NRXN3: variants seen among roughly 807,000 people sequenced by gnomAD.
NRXN3 encodes the protein neurexin 3, also known as neurexin III.
Under a neutral mutation model 137.6 loss-of-function variants are expected in NRXN3, and 32 were observed. That is an observed-to-expected ratio of 0.23 (90% confidence interval 0.18 to 0.31). The LOEUF (loss-of-function observed/expected upper bound fraction) is 0.31, where lower values mean the gene tolerates loss of function less well. Among genes scored for constraint, NRXN3 ranks in the 10% least tolerant of loss-of-function variants. The pLI, the probability that NRXN3 is intolerant of heterozygous loss-of-function variation, is 1.00. For synonymous variants in NRXN3, 798 were observed against 784.5 expected, an observed-to-expected ratio of 1.02 and a Z score of -0.29; for missense variants, 1,574 against 2,062.5, an observed-to-expected ratio of 0.76 and a Z score of 4.59.
At chr14:79,301,333 A>G (rs1440535076) in intron 15 of NRXN3, among the ~76,000 whole-genome samples, 2 of 152,054 alleles carry the variant, frequency 1.3e-5, no homozygotes, top group African/African-American at 4.8e-5. Context: ...TAAGATGGAA[A>G]GGAAGGAAGA....
intron 16 of NRXN3, among the ~76,000 whole-genome samples, chr14:79,508,076 G>C (rs2096894810): frequency 6.6e-6 from 1 of 152,020 alleles, no homozygotes; most frequent in African/African-American, 2.4e-5. Flanking sequence ...GCTCTATTTT[G>C]GGCTGTGTCA....
intron 8 of NRXN3, among the ~76,000 whole-genome samples, chr14:78,771,477 T>C (rs1470818434): frequency 6.6e-6 from 1 of 152,234 alleles, no homozygotes; most frequent in Non-Finnish European, 1.5e-5. Context: ...CTGAGATGTA[T>C]ATTTCTGATG....
chr14:79,772,896 T>C (rs1359816194), intron 19 of NRXN3, among the ~76,000 whole-genome samples: 1 of 151,944 alleles, frequency 6.6e-6, no homozygotes, highest in African/African-American at 2.4e-5. Context: ...AGGGCTAATA[T>C]CCAGAATCTA....
At chr14:78,720,435 G>A (rs1218026514) in intron 8 of NRXN3, among the ~76,000 whole-genome samples, 1 of 152,172 alleles carries the variant, frequency 6.6e-6, no homozygotes, top group Non-Finnish European at 1.5e-5. Context: ...TCGTATCATG[G>A]AACAGCTTAA....
chr14:78,977,998 A>G (rs2099474577), intron 14 of NRXN3, among the ~76,000 whole-genome samples: 1 of 152,202 alleles, frequency 6.6e-6, no homozygotes, highest in Admixed American at 6.5e-5. Context: ...CATCTCAGTC[A>G]ACCAATTCCC....
intron 5 of NRXN3, chr14:78,649,294 A>G: frequency 7.4e-7 from 1 of 1,342,956 alleles, no homozygotes; most frequent in Non-Finnish European, 9.9e-7. Flanking sequence ...ACGCTATGGT[A>G]AACAAACTAC....
intron 4 of NRXN3, among the ~76,000 whole-genome samples, chr14:78,613,132 T>A (rs1261568385): frequency 6.6e-6 from 1 of 152,224 alleles, no homozygotes; most frequent in Non-Finnish European, 1.5e-5. Flanking sequence ...ATTAATATAT[T>A]GTCCCTCTGA....
chr14:78,565,117 C>T lies in NRXN3; in HGVS notation c.758-80003C>T, dbSNP rs2096825205. ...GTGTGTTTTTCCTATCCCTTTGATT[C>T]TAAGATAGTTCCTTGAACATTGAAG... On this transcript the variant is annotated intron_variant, in intron 4 of 20. Coordinates refer to ENST00000335750, the MANE Select transcript of NRXN3 (RefSeq NM_001330195.2). 2.0e-5 allele frequency among the ~76,000 whole-genome samples: 3 copies of T among 152,168 alleles called. No homozygotes were observed. In the South Asian group the frequency reaches 6.2e-4, roughly 32 times the overall value.
chr14:79,449,651 A>G (rs2096129882), intron 15 of NRXN3, among the ~76,000 whole-genome samples: 1 of 152,214 alleles, frequency 6.6e-6, no homozygotes, highest in South Asian at 2.1e-4. Context: ...TTTGTAGCCA[A>G]TAAAGCCTAT....
At chr14:78,777,926 C>T (rs2098749884) in intron 8 of NRXN3, among the ~76,000 whole-genome samples, 1 of 151,854 alleles carries the variant, frequency 6.6e-6, no homozygotes, top group African/African-American at 2.4e-5. Flanking sequence ...CCACTCCGGA[C>T]TAATTTTTGT....
intron 15 of NRXN3, among the ~76,000 whole-genome samples, chr14:79,002,024 C>G (rs1471652807): frequency 2.6e-5 from 4 of 152,032 alleles, no homozygotes; most frequent in Non-Finnish European, 5.9e-5. Flanking sequence ...GTGTATTCAC[C>G]CTGTTTCCTA....
intron 16 of NRXN3, among the ~76,000 whole-genome samples, chr14:79,539,500 T>C (rs1376389791): frequency 1.3e-5 from 2 of 152,230 alleles, no homozygotes; most frequent in Non-Finnish European, 2.9e-5. Context: ...AATGTCTATA[T>C]AAATAGATGT....
intron 15 of NRXN3, among the ~76,000 whole-genome samples, chr14:79,436,642 C>T (rs546354066): frequency 6.6e-6 from 1 of 152,216 alleles, no homozygotes; most frequent in South Asian, 2.1e-4. Flanking sequence ...TCTTGATCTG[C>T]TAAGAAAAGA....
At chr14:79,218,724 A>C (rs2068976661) in intron 15 of NRXN3, among the ~76,000 whole-genome samples, 1 of 152,204 alleles carries the variant, frequency 6.6e-6, no homozygotes, top group African/African-American at 2.4e-5. Context: ...TTTATTTGAG[A>C]ACAACAACAA....
chr14:78,753,718 A>G (rs919500589), intron 8 of NRXN3: 1 of 152,238 alleles, frequency 6.6e-6, no homozygotes, highest in Non-Finnish European at 1.5e-5. Flanking sequence ...GCAGTGGGTA[A>G]CTTACCCAGG....
intron 15 of NRXN3, among the ~76,000 whole-genome samples, chr14:79,055,751 T>TTAAG (rs1463461355): frequency 1.3e-5 from 2 of 152,082 alleles, no homozygotes; most frequent in African/African-American, 4.8e-5. Flanking sequence ...TAAATAAATT[T>TTAAG]TAAGTAGGGA....
At chr14:78,272,825 G>A (rs888936033) in intron 2 of NRXN3, among the ~76,000 whole-genome samples, 13 of 152,138 alleles carry the variant, frequency 8.5e-5, no homozygotes, top group South Asian at 8.3e-4. Context: ...GATGAATACC[G>A]TTTCTACCTG....
intron 16 of NRXN3, among the ~76,000 whole-genome samples, chr14:79,550,258 C>A (rs146971647): frequency 2.4e-4 from 36 of 152,174 alleles, no homozygotes; most frequent in Non-Finnish European, 4.3e-4. Flanking sequence ...CATGAGCCAC[C>A]ATGCCTGGCC....
chr14:78,776,205 T>A (rs1357278053), intron 8 of NRXN3, among the ~76,000 whole-genome samples: 1 of 152,240 alleles, frequency 6.6e-6, no homozygotes, highest in Non-Finnish European at 1.5e-5. Context: ...GCTATATTAT[T>A]AAACTGTGCC....
Sources: gnomAD v4.1 joint callset for allele counts (sites outside exome capture counted in the v4.1 genomes callset) on GRCh38, gnomAD v4.1.1 for gene constraint, MANE v1.5 for transcripts, NCBI Gene and HGNC (gene_info 2026-07-23, HGNC 2026-07-21) for gene names.